The following ITPR1 variants were observed in gnomAD, a reference collection of about 807,000 sequenced individuals.
ITPR1 encodes the protein inositol 1,4,5-trisphosphate receptor type 1, also known as inositol 1,4,5-trisphosphate-gated calcium channel ITPR1.
ITPR1 carries 96 observed loss-of-function variants against 318.4 expected under a neutral mutation model. The observed-to-expected ratio is 0.30, with a 90% CI of 0.26 to 0.36. ITPR1 has a LOEUF of 0.36. Among genes scored for constraint, ITPR1 ranks in the 10% least tolerant of loss-of-function variants. ITPR1 has a pLI of 1.00. For synonymous variants in ITPR1, 1,312 were observed against 1,289.9 expected (o/e 1.02, Z -0.37); for missense variants, 2,440 against 3,460.2 (o/e 0.71, Z 7.40).
At chr3:4,611,563 A>T (rs1203572813) in intron 4 of ITPR1, among the ~76,000 whole-genome samples, 1 of 147,752 alleles carries the variant, frequency 6.8e-6, no homozygotes, top group Non-Finnish European at 1.5e-5. Flanking sequence ...CTCTCTCAAA[A>T]ATAAATAAAT....
chr3:4,651,370 T>G (rs1461772874), intron 10 of ITPR1, among the ~76,000 whole-genome samples: 1 of 152,188 alleles, frequency 6.6e-6, no homozygotes, highest in Admixed American at 6.5e-5. Context: ...TAAACTTTGA[T>G]CTGTCTCCTT....
chr3:4,618,568 C>T (rs906500518), intron 4 of ITPR1, among the ~76,000 whole-genome samples: 4 of 152,148 alleles, frequency 2.6e-5, no homozygotes, highest in African/African-American at 9.7e-5. Flanking sequence ...TCATATGCAA[C>T]CTTCCCCTAG....
At chr3:4,838,162 C>G (rs149446489) in intron 61 of ITPR1, among the ~76,000 whole-genome samples, 1 of 152,036 alleles carries the variant, frequency 6.6e-6, no homozygotes, top group Non-Finnish European at 1.5e-5. Context: ...GCCTCAAGTT[C>G]TTTTCTTTCG....
chr3:4,693,876 G>A, intron 33 of ITPR1, 135 bp downstream of exon 33: 1 of 864,524 alleles, frequency 1.2e-6, no homozygotes, highest in Non-Finnish European at 1.7e-6. Context: ...TTTTGTAGTG[G>A]GATTTCAGTT....
chr3:4,604,839 G>A (rs1191219854), intron 4 of ITPR1, among the ~76,000 whole-genome samples: 1 of 152,150 alleles, frequency 6.6e-6, no homozygotes, highest in Non-Finnish European at 1.5e-5. Context: ...GGAAATGCCA[G>A]CAAGAACAGA....
Position 4,493,550 on chromosome 3 carries a change from C to G in ITPR1, c.-148C>G, listed in dbSNP as rs1328273897. On this transcript the variant is annotated 5_prime_UTR_variant, in exon 1 of 62. Transcript: ENST00000649015. ...CGGACATGGGATTACCCAGCGGCTGCTAACCCCTCTCCTCGCCCTGCTCCC... is the reference window on the plus strand; with the variant it reads ...CGGACATGGGATTACCCAGCGGCTGGTAACCCCTCTCCTCGCCCTGCTCCC... 6.5e-6 allele frequency: 1 copy of G among 153,046 alleles called. No individual in the cohort carries two copies. Among genetic ancestry groups the G allele is most frequent in the Non-Finnish European group, 1.5e-5 (1 of 68,226 alleles). 9.5% of individuals were successfully genotyped at this position (153,046 alleles called of 1,614,324 possible).
chr3:4,644,278 G>C, intron 8 of ITPR1, 44 bp downstream of exon 8: 1 of 1,386,404 alleles, frequency 7.2e-7, no homozygotes, highest in Non-Finnish European at 1.0e-6. Context: ...TATCCTGCAG[G>C]AGCGGGTCTG....
At chr3:4,695,367 T>A (rs986234341) in intron 33 of ITPR1, among the ~76,000 whole-genome samples, 7 of 152,226 alleles carry the variant, frequency 4.6e-5, no homozygotes. Context: ...AAGCGTCGTG[T>A]TATAACAAGC....
intron 5 of ITPR1, among the ~76,000 whole-genome samples, chr3:4,634,404 GTT>G: frequency 6.6e-6 from 1 of 151,846 alleles, no homozygotes; most frequent in Non-Finnish European, 1.5e-5. Context: ...AAGAGTTGGG[GTT>G]TTGCCACATT....
At chr3:4,837,346 A>G (rs1000675897) in intron 61 of ITPR1, among the ~76,000 whole-genome samples, 1 of 151,984 alleles carries the variant, frequency 6.6e-6, no homozygotes, top group African/African-American at 2.4e-5. Flanking sequence ...TCCTCACCCC[A>G]TATATTTAAA....
At chr3:4,834,138 C>T (rs183555351) in intron 60 of ITPR1, among the ~76,000 whole-genome samples, 1 of 152,244 alleles carries the variant, frequency 6.6e-6, no homozygotes, top group Admixed American at 6.5e-5. Context: ...TGCTATCCAC[C>T]CACCTCGGCC....
At chr3:4,686,900 C>T (rs965202750) in intron 30 of ITPR1, among the ~76,000 whole-genome samples, 5 of 152,216 alleles carry the variant, frequency 3.3e-5, no homozygotes, top group African/African-American at 1.2e-4. Context: ...CCTCTGATTT[C>T]TTAGAGCTAG....
intron 39 of ITPR1, among the ~76,000 whole-genome samples, chr3:4,713,548 G>A (rs1285832888): frequency 2.0e-5 from 3 of 152,284 alleles, no homozygotes; most frequent in East Asian, 3.9e-4. Flanking sequence ...TGGAAGGTGT[G>A]CTGCCCTGCT....
chr3:4,521,547 T>C (rs544151621), intron 4 of ITPR1, among the ~76,000 whole-genome samples: 1 of 152,286 alleles, frequency 6.6e-6, no homozygotes, highest in East Asian at 1.9e-4. Flanking sequence ...CACTTGTTTT[T>C]TGAGTTAAAA....
At chr3:4,541,608 G>A (rs1256819057) in intron 4 of ITPR1, among the ~76,000 whole-genome samples, 2 of 151,850 alleles carry the variant, frequency 1.3e-5, no homozygotes, top group African/African-American at 4.8e-5. Flanking sequence ...GGAGAATTCC[G>A]AGCTGTTATC....
intron 50 of ITPR1, among the ~76,000 whole-genome samples, chr3:4,783,092 G>A (rs1015420657): frequency 3.3e-5 from 5 of 152,224 alleles, no homozygotes; most frequent in African/African-American, 1.2e-4. Context: ...ACAATCCAAA[G>A]AAATAAACTT....
chr3:4,696,619 G>A (rs1485395209), intron 33 of ITPR1, among the ~76,000 whole-genome samples: 1 of 149,814 alleles, frequency 6.7e-6, no homozygotes, highest in Non-Finnish European at 1.5e-5. Flanking sequence ...TAACCATAGT[G>A]GTTTTAATTT....
chr3:4,754,708 A>G (rs942331450), intron 44 of ITPR1, among the ~76,000 whole-genome samples: 2 of 152,214 alleles, frequency 1.3e-5, no homozygotes, highest in Non-Finnish European at 2.9e-5. Flanking sequence ...TACCTTTTTA[A>G]TAAGCCTCAT....
Position 4,601,175 on chromosome 3 carries a change from C to CTTTTTTT in ITPR1, c.164-26577_164-26571dup, listed in dbSNP as rs68165287. ...GAACAATTAAATGGGGAAAAATATTCTTTTTTTTTTTTTTTTTGGCACTGG... is the reference window on the plus strand; with the variant it reads ...GAACAATTAAATGGGGAAAAATATTCTTTTTTTTTTTTTTTTTTTTTTTTGGCACTGG... On this transcript the variant is annotated intron_variant, in intron 4 of 61. Coordinates refer to ENST00000649015, the MANE Select transcript of ITPR1 (RefSeq NM_001378452.1). Among the ~76,000 whole-genome samples the CTTTTTTT allele has an allele frequency of 6.5e-4, 78 of 119,726 alleles. 5 individuals carry two copies. The highest frequency in any genetic ancestry group is 7.6e-4 in the Non-Finnish European group (46 of 60,580). The allele number at this position is 119,726 out of a possible 152,430, so 78.5% of individuals were successfully genotyped here. A position where few individuals can be genotyped will look rare whatever the true frequency, so the allele number is the denominator to read the frequency against.
Sources: allele counts gnomAD v4.1 joint callset (sites outside exome capture counted in the v4.1 genomes callset), GRCh38; gene constraint gnomAD v4.1.1; transcripts MANE v1.5; gene names NCBI Gene and HGNC (gene_info 2026-07-23, HGNC 2026-07-21).